Variants in CRB1 observed in about 807,000 individuals in gnomAD.
CRB1 encodes the protein crumbs cell polarity complex component 1, also known as protein crumbs homolog 1.
CRB1 carries 83 observed loss-of-function variants against 120.0 expected under a neutral mutation model. The observed-to-expected ratio is 0.69, with a 90% CI of 0.58 to 0.83. The LOEUF (loss-of-function observed/expected upper bound fraction) is 0.83, where lower values mean the gene tolerates loss of function less well. Among genes scored for constraint, CRB1 ranks in the 40% least tolerant of loss-of-function variants. The probability of loss-of-function intolerance (pLI) is 0.00; values close to 1 mark genes in which losing one functional copy is unlikely to be tolerated. For synonymous variants in CRB1, 625 were observed against 612.5 expected, an observed-to-expected ratio of 1.02 and a Z score of -0.30; for missense variants, 1,699 against 1,687.6, an observed-to-expected ratio of 1.01 and a Z score of -0.12.
chr1:197,443,939 T>C (rs558376726), intron 11 of CRB1: 7 of 152,326 alleles, frequency 4.6e-5, no homozygotes, highest in African/African-American at 1.7e-4. Flanking sequence ...TTTGATCCTA[T>C]GAATTAATTC....
the CRB1 span, among the ~76,000 whole-genome samples, chr1:197,215,634 G>T: frequency 3.9e-5 from 6 of 152,116 alleles, no homozygotes; most frequent in Admixed American, 3.9e-4. Flanking sequence ...TAGTGAATGA[G>T]TTCTCATGAT....
intron 5 of CRB1, among the ~76,000 whole-genome samples, chr1:197,400,529 A>T (rs971213910): frequency 6.6e-6 from 1 of 152,008 alleles, no homozygotes; most frequent in Non-Finnish European, 1.5e-5. Flanking sequence ...CATTTTAAAA[A>T]CAGAAACTAT....
At chr1:197,406,509 C>T (rs1174632324) in intron 5 of CRB1, among the ~76,000 whole-genome samples, 1 of 152,138 alleles carries the variant, frequency 6.6e-6, no homozygotes, top group Non-Finnish European at 1.5e-5. Flanking sequence ...CTGACCTTCC[C>T]TCCACTATTG....
the CRB1 span, among the ~76,000 whole-genome samples, chr1:197,208,907 C>A: frequency 1.3e-5 from 2 of 152,094 alleles, no homozygotes; most frequent in Non-Finnish European, 2.9e-5. Context: ...TTTGCTGTGG[C>A]TGCTGTAGGG....
At chr1:197,364,070 GGGGCTGCTGAGGCGGGCAGATCCGTGGGT>G (rs1660933111) in intron 5 of CRB1, 7 of 1,312,074 alleles carry the variant, frequency 5.3e-6, no homozygotes, top group South Asian at 2.7e-5. Context: ...GATCCGTGGC[GGGGCTGCTGAGGCGGGCAGATCCGTGGGT>G]GGGCTGCTGA....
intron 5 of CRB1, among the ~76,000 whole-genome samples, chr1:197,392,860 G>A (rs1450893333): frequency 2.0e-5 from 3 of 152,008 alleles, no homozygotes; most frequent in African/African-American, 7.2e-5. Context: ...TGAAGAGTTG[G>A]GAATTTCATT....
intron 5 of CRB1, among the ~76,000 whole-genome samples, chr1:197,408,893 A>T (rs1663553501): frequency 6.6e-6 from 1 of 152,240 alleles, no homozygotes. Flanking sequence ...AGTCCGTAAA[A>T]TAACTAAAAA....
chr1:197,410,577 G>A (rs1386979797), intron 5 of CRB1, among the ~76,000 whole-genome samples: 4 of 152,160 alleles, frequency 2.6e-5, no homozygotes, highest in Non-Finnish European at 5.9e-5. Flanking sequence ...ATCCTTATTA[G>A]TGGCCTTCTA....
chr1:197,366,184 A>G (rs772713732), intron 5 of CRB1, among the ~76,000 whole-genome samples: 4 of 152,060 alleles, frequency 2.6e-5, no homozygotes, highest in African/African-American at 4.8e-5. Flanking sequence ...ATAACTTACT[A>G]TTTCCCTTGC....
chr1:197,305,111 T>C (rs567824924), intron 1 of CRB1, among the ~76,000 whole-genome samples: 5 of 152,314 alleles, frequency 3.3e-5, no homozygotes, highest in African/African-American at 1.2e-4. Context: ...TTTTATGTCC[T>C]GCTCTGAAAC....
At chr1:197,244,855 T>C in the CRB1 span, among the ~76,000 whole-genome samples, 1 of 152,032 alleles carries the variant, frequency 6.6e-6, no homozygotes, top group Admixed American at 6.6e-5. Context: ...CTTAGTGTAT[T>C]TTTTTCCTTC....
intron 1 of CRB1, among the ~76,000 whole-genome samples, chr1:197,322,996 T>C (rs1658292444): frequency 6.6e-6 from 1 of 152,138 alleles, no homozygotes; most frequent in Non-Finnish European, 1.5e-5. Context: ...ATACCTCCAA[T>C]CCCATAATTT....
At chr1:197,272,774 G>T (rs1654978024) in intron 1 of CRB1, among the ~76,000 whole-genome samples, 1 of 152,152 alleles carries the variant, frequency 6.6e-6, no homozygotes, top group African/African-American at 2.4e-5. Context: ...AGAATCAAGG[G>T]TGTAGAGAAG....
intron 1 of CRB1, among the ~76,000 whole-genome samples, chr1:197,289,561 G>C (rs907666444): frequency 6.6e-6 from 1 of 151,602 alleles, no homozygotes. Flanking sequence ...CGTGGGTTTG[G>C]GGAAAATTTG....
At chr1:197,366,156 A>ATAAT (rs1161696773) in intron 5 of CRB1, among the ~76,000 whole-genome samples, 2 of 152,122 alleles carry the variant, frequency 1.3e-5, no homozygotes, top group East Asian at 3.8e-4. Context: ...GACTATATTT[A>ATAAT]TAATTAATTA....
chr1:197,293,462 A>T (rs941275534), intron 1 of CRB1, among the ~76,000 whole-genome samples: 1 of 152,196 alleles, frequency 6.6e-6, no homozygotes, highest in Non-Finnish European at 1.5e-5. Flanking sequence ...AGGAAGAATC[A>T]ATATCGTGAA....
chr1:197,315,452 G>C (rs976690120), intron 1 of CRB1, among the ~76,000 whole-genome samples: 1 of 152,136 alleles, frequency 6.6e-6, no homozygotes, highest in Non-Finnish European at 1.5e-5. Context: ...CTTTCTCTCA[G>C]CTCCAAAGCT....
chr1:197,223,266 T>A, the CRB1 span: 30 of 935,784 alleles, frequency 3.2e-5, no homozygotes, highest in Non-Finnish European at 5.1e-5. Context: ...ATATTCCTTG[T>A]GCCAGAATTA....
chr1:197,428,078 C>T, intron 7 of CRB1, 77 bp downstream of exon 7: 1 of 1,317,642 alleles, frequency 7.6e-7, no homozygotes, highest in East Asian at 2.5e-5. Flanking sequence ...CTTATTAAAA[C>T]CATTCTTTGT....
Sources: allele counts gnomAD v4.1 joint callset (sites outside exome capture counted in the v4.1 genomes callset), GRCh38; gene constraint gnomAD v4.1.1; transcripts MANE v1.5; gene names NCBI Gene and HGNC (gene_info 2026-07-23, HGNC 2026-07-21).